MEGF11: variants seen among roughly 807,000 people sequenced by gnomAD.
MEGF11 encodes multiple EGF like domains 11, also known as multiple epidermal growth factor-like domains protein 11.
A neutral mutation model predicts 146.6 loss-of-function variants in MEGF11; 126 were observed. That is an observed-to-expected ratio of 0.86 (90% CI 0.74 to 1.00). The LOEUF is 1.00. MEGF11 is among the 50% of genes least tolerant of loss of function. The pLI is 0.00. For synonymous variants in MEGF11, 532 were observed against 583.4 expected (o/e 0.91, Z 1.27); for missense variants, 1,509 against 1,521.2 (o/e 0.99, Z 0.13).
chr15:65,963,359 C>G (rs1052147979), intron 9 of MEGF11, among the ~76,000 whole-genome samples: 2 of 151,648 alleles, frequency 1.3e-5, no homozygotes, highest in African/African-American at 4.9e-5. Context: ...TCACATAGTC[C>G]TGGGTCACAG....
rs58874869 is a variant in MEGF11, at chr15:65,942,974, CTTTTTTTTTTTTTT to C, written c.1288-12045_1288-12032del. Among the ~76,000 whole-genome samples the C allele has an allele frequency of 6.9e-3, 330 of 47,644 alleles. 7 individuals are homozygous for C. In the South Asian group the frequency reaches 0.076, roughly 11 times the overall value. The allele number at this position is 47,644 out of a possible 152,430, so 31.3% of individuals were successfully genotyped here. A position where few individuals can be genotyped will look rare whatever the true frequency, so the allele number is the denominator to read the frequency against. The stretch of plus-strand genomic sequence containing the variant: ...AAACAAAAACAAAAAAACAACTTGG[CTTTTTTTTTTTTTT>C]TTTTTTTTTTTTTTTTAACACGGAG... On this transcript the variant is annotated intron_variant, in intron 10 of 25. Transcript: ENST00000395614.
chr15:65,905,976 G>T lies in MEGF11; in HGVS notation c.3055+109C>A, dbSNP rs1049317182. 7.0e-6 allele frequency: 6 copies of T among 859,832 alleles called. No individual in the cohort carries two copies. In the Admixed American group the frequency reaches 1.5e-4, roughly 21 times the overall value. The allele number at this position is 859,832 out of a possible 1,614,324, so 53.3% of individuals were successfully genotyped here. ...CCTGTGGTCTTTTAACCTTCTGTGGGGGGCAGGCACACACAGTTTGTCTCA... is the reference window on the plus strand; with the variant it reads ...CCTGTGGTCTTTTAACCTTCTGTGGTGGGCAGGCACACACAGTTTGTCTCA... On this transcript the variant is annotated intron_variant, in intron 24 of 25. Transcript: ENST00000395614.
chr15:65,907,603 G>A (rs900826300), intron 23 of MEGF11, among the ~76,000 whole-genome samples: 10 of 152,266 alleles, frequency 6.6e-5, no homozygotes, highest in African/African-American at 2.2e-4. Flanking sequence ...CCTCAAATTT[G>A]CTGTTTTTTC....
rs564750742 is a variant in MEGF11, at chr15:65,982,092, G to T, written c.641+150C>A. On this transcript the variant is annotated intron_variant, in intron 6 of 25. Coordinates refer to ENST00000395614, the MANE Select transcript of MEGF11 (RefSeq NM_001385028.1). The surrounding 1 kb of genome is among the most constrained non-coding windows in gnomAD (Gnocchi z 5.6). ...GTCCCACCACCCAGCCCACCCACAA[G>T]GAGCCCAGGGCTGGGCGTGCAGCTG... 36 of 810,378 alleles carry T rather than the reference G, an allele frequency of 4.4e-5. No individual in the cohort carries two copies. In the African/African-American group the frequency reaches 4.7e-4, roughly 10 times the overall value. The allele number at this position is 810,378 out of a possible 1,614,324, so 50.2% of individuals were successfully genotyped here. A position where few individuals can be genotyped will look rare whatever the true frequency, so the allele number is the denominator to read the frequency against.
At chr15:66,066,384 T>C (rs1202768111) in intron 5 of MEGF11, among the ~76,000 whole-genome samples, 1 of 152,190 alleles carries the variant, frequency 6.6e-6, no homozygotes, top group Non-Finnish European at 1.5e-5. Context: ...TCTAAGGCAG[T>C]GTTTCTCTAG....
intron 5 of MEGF11, among the ~76,000 whole-genome samples, chr15:66,027,352 C>G (rs2083368297): frequency 6.6e-6 from 1 of 152,256 alleles, no homozygotes; most frequent in Non-Finnish European, 1.5e-5. Context: ...GCTGTTATGC[C>G]TGAGTACCAG....
intron 1 of MEGF11, among the ~76,000 whole-genome samples, chr15:66,226,277 C>T (rs2091850603): frequency 6.7e-5 from 1 of 14,950 alleles, no homozygotes; most frequent in South Asian, 4.5e-3. Flanking sequence ...GAGACAGTCT[C>T]ACTCTGTCAC....
intron 5 of MEGF11, among the ~76,000 whole-genome samples, chr15:66,060,749 C>G (rs2084870201): frequency 6.6e-6 from 1 of 152,260 alleles, no homozygotes; most frequent in South Asian, 2.1e-4. Context: ...CGTGTCCTCG[C>G]AGCACCTACA....
chr15:65,907,178 A>G (rs1272384565), intron 23 of MEGF11, among the ~76,000 whole-genome samples: 2 of 152,234 alleles, frequency 1.3e-5, no homozygotes, highest in African/African-American at 4.8e-5. Context: ...TCGCTCCTCT[A>G]CGTAGAGTTC....
chr15:65,924,199 A>G (rs1308530908), intron 13 of MEGF11, among the ~76,000 whole-genome samples: 1 of 151,854 alleles, frequency 6.6e-6, no homozygotes, highest in Non-Finnish European at 1.5e-5. Context: ...GGAGGGTGGA[A>G]CCACCGGAGA....
chr15:66,238,316 GT>G (rs2092139313), intron 1 of MEGF11, among the ~76,000 whole-genome samples: 1 of 152,206 alleles, frequency 6.6e-6, no homozygotes, highest in African/African-American at 2.4e-5. Flanking sequence ...TAAACCTGGA[GT>G]TTGCTAAAGG....
At chr15:66,103,384 A>G (rs902517110) in intron 4 of MEGF11, among the ~76,000 whole-genome samples, 3 of 152,210 alleles carry the variant, frequency 2.0e-5, no homozygotes, top group African/African-American at 7.2e-5. Context: ...ACCTTGGGCA[A>G]GTTACATAAC....
At chr15:66,159,641 T>C (rs115270130) in intron 1 of MEGF11, among the ~76,000 whole-genome samples, 3,888 of 152,184 alleles carry the variant, frequency 0.026, 158 homozygotes, top group African/African-American at 0.087. Context: ...TCATGAGCAT[T>C]GGTGCTAGAG....
At chr15:66,208,751 G>A (rs2140118472) in intron 1 of MEGF11, among the ~76,000 whole-genome samples, 1 of 152,158 alleles carries the variant, frequency 6.6e-6, no homozygotes, top group South Asian at 2.1e-4. Context: ...GCGTGGTGGT[G>A]GACACCTGTA....
At chr15:65,954,319 G>A (rs2080503108) in intron 10 of MEGF11, among the ~76,000 whole-genome samples, 1 of 152,200 alleles carries the variant, frequency 6.6e-6, no homozygotes, top group Non-Finnish European at 1.5e-5. Context: ...TCTCTGCTGA[G>A]TCTGCTCTGC....
intron 1 of MEGF11, among the ~76,000 whole-genome samples, chr15:66,244,564 C>T (rs1454888655): frequency 6.6e-6 from 1 of 152,130 alleles, no homozygotes; most frequent in African/African-American, 2.4e-5. Context: ...CTGTTCCTCA[C>T]TCCTCTCCTG....
At chr15:66,249,341 T>A (rs1257856953) in intron 1 of MEGF11, among the ~76,000 whole-genome samples, 1 of 152,120 alleles carries the variant, frequency 6.6e-6, no homozygotes, top group African/African-American at 2.4e-5. Context: ...GAAGAAGGCA[T>A]GTTTTTTTGG....
rs1269782332 is a variant in MEGF11, at chr15:65,897,548, T to G, written c.*386A>C. The G allele has an allele frequency of 6.5e-6, 1 of 154,362 alleles. No homozygotes were observed. Among genetic ancestry groups the G allele is most frequent in the East Asian group, 1.9e-4 (1 of 5,318 alleles). 9.6% of individuals were successfully genotyped at this position (154,362 alleles called of 1,614,324 possible). A position where few individuals can be genotyped will look rare whatever the true frequency, so the allele number is the denominator to read the frequency against. On this transcript the variant is annotated 3_prime_UTR_variant, in exon 26 of 26. Transcript: ENST00000395614. ...ATACGTTTCAGGTGCTTTAAAGTAA[T>G]CCTCTTCCCTCCCCAGTCTCCTTTT...
chr15:66,144,063 G>T (rs74021648), intron 1 of MEGF11, among the ~76,000 whole-genome samples: 2 of 152,092 alleles, frequency 1.3e-5, no homozygotes, highest in African/African-American at 4.8e-5. Flanking sequence ...ATATAGGGAG[G>T]GGGAGACACT....
Sources: gnomAD v4.1 joint callset for allele counts (sites outside exome capture counted in the v4.1 genomes callset) on GRCh38, gnomAD v4.1.1 for gene constraint, Gnocchi (gnomAD v3.1) non-coding constraint, MANE v1.5 for transcripts, NCBI Gene and HGNC (gene_info 2026-07-23, HGNC 2026-07-21) for gene names.